The following NEDD9 variants were observed in gnomAD, a reference collection of about 807,000 sequenced individuals.
NEDD9 encodes enhancer of filamentation 1.
Under a neutral mutation model 76.6 loss-of-function variants are expected in NEDD9, and 26 were observed. The observed-to-expected ratio is 0.34, with a 90% CI of 0.25 to 0.47. NEDD9 has a LOEUF of 0.47. NEDD9 is among the 20% of genes least tolerant of loss of function. NEDD9 has a pLI of 1.00. For missense variants in NEDD9, 937 were observed against 1,058.5 expected, an observed-to-expected ratio of 0.89 and a Z score of 1.59; for synonymous variants, 392 against 414.2, an observed-to-expected ratio of 0.95 and a Z score of 0.65.
At chr6:11,316,393 C>T (rs1761562835) in intron 2 of NEDD9, among the ~76,000 whole-genome samples, 1 of 152,212 alleles carries the variant, frequency 6.6e-6, no homozygotes, top group South Asian at 2.1e-4. Flanking sequence ...TTTACTCTCA[C>T]TCCCACGTCT....
chr6:11,355,815 T>G (rs541228608), intron 1 of NEDD9, among the ~76,000 whole-genome samples: 1,884 of 152,170 alleles, frequency 0.012, 38 homozygotes, highest in African/African-American at 0.043. Context: ...CCGCCTCCTG[T>G]GTTCACACCA....
chr6:11,303,638 G>T (rs374029464), intron 3 of NEDD9, among the ~76,000 whole-genome samples: 2 of 152,138 alleles, frequency 1.3e-5, no homozygotes, highest in South Asian at 2.1e-4. Flanking sequence ...CAGAACAGAG[G>T]CCTCAGAAAT....
chr6:11,339,442 T>C (rs1223934211), intron 1 of NEDD9, among the ~76,000 whole-genome samples: 3 of 152,196 alleles, frequency 2.0e-5, no homozygotes, highest in Admixed American at 2.0e-4. Flanking sequence ...ATGGATACTC[T>C]TTTTCTACTT....
intron 3 of NEDD9, among the ~76,000 whole-genome samples, chr6:11,273,657 A>G (rs1392691497): frequency 6.6e-6 from 1 of 152,182 alleles, no homozygotes; most frequent in Non-Finnish European, 1.5e-5. Context: ...TTGTGAGTCA[A>G]TGTTATCAAG....
At chr6:11,337,309 A>G (rs1427942362) in intron 1 of NEDD9, among the ~76,000 whole-genome samples, 1 of 152,244 alleles carries the variant, frequency 6.6e-6, no homozygotes, top group Non-Finnish European at 1.5e-5. Context: ...TTTTAAAAAT[A>G]AGGAGAAATT....
chr6:11,296,669 C>T (rs1022079391), intron 3 of NEDD9, among the ~76,000 whole-genome samples: 1 of 124,334 alleles, frequency 8.0e-6, no homozygotes, highest in African/African-American at 3.3e-5. Context: ...CCTTTCCTTT[C>T]CTTTCCTTTC....
At chr6:11,193,781 C>G in intron 2 of NEDD9, 89 bp from the exon 3 acceptor site, 2 of 763,498 alleles carry the variant, frequency 2.6e-6, no homozygotes, top group Non-Finnish European at 4.3e-6. Flanking sequence ...TCCCTCAACT[C>G]TCCCTCATAA....
rs1474920613 is a variant in NEDD9, at chr6:11,252,073, C to G, written c.13-38346G>C. On this transcript the variant is annotated intron_variant, in intron 3 of 3. Coordinates refer to the NEDD9 transcript ENST00000397378. This position sits in a 1 kb window ranked among gnomAD's most constrained non-coding sequence, Gnocchi z 4.3. ...AGGCTGTGTCGATTCCTGTCACACA[C>G]AGATTATATTTTGCTGTCCCATGTG... 6.6e-6 allele frequency among the ~76,000 whole-genome samples: 1 copy of G among 152,178 alleles called. No individual in the cohort carries two copies. The highest frequency in any genetic ancestry group is 1.9e-4 in the East Asian group (1 of 5,200).
chr6:11,224,523 T>C (rs1759246564), intron 1 of NEDD9, among the ~76,000 whole-genome samples: 1 of 152,120 alleles, frequency 6.6e-6, no homozygotes, highest in South Asian at 2.1e-4. Flanking sequence ...CCAATGCTGC[T>C]GTGGTAGTGC....
chr6:11,213,712 C>A lies in NEDD9; in HGVS notation c.28G>T (p.Ala10Ser). MKYKNLMAR[A>S]LYDNVPECAE... ...CACTCTGGGACATTGTCATATAAGG[C>A]CCTTGCCATAAGATTCTAGGAGGGA... The change falls in exon 2 of 7, where the codon GCC (alanine) becomes TCC (serine). Residue 10 changes from alanine (A) to serine (S), a missense_variant. Transcript: ENST00000379446. The surrounding 1 kb of genome is among the most constrained non-coding windows in gnomAD (Gnocchi z 5.4). 1 of 1,613,920 alleles carries A rather than the reference C, an allele frequency of 6.2e-7. No individual in the cohort carries two copies. Among genetic ancestry groups the A allele is most frequent in the Non-Finnish European group, 8.5e-7 (1 of 1,179,872 alleles).
chr6:11,232,352 T>C (rs868535173), intron 1 of NEDD9, 152 bp downstream of exon 1: 6 of 891,476 alleles, frequency 6.7e-6, no homozygotes, highest in Middle Eastern at 2.2e-4. Context: ...TGCTTGCTTG[T>C]CTGCTTGCAT....
At chr6:11,361,838 C>T (rs934333779) in intron 1 of NEDD9, among the ~76,000 whole-genome samples, 2 of 152,048 alleles carry the variant, frequency 1.3e-5, no homozygotes, top group Non-Finnish European at 2.9e-5. Context: ...AGGGAGAAAG[C>T]ATTGGGGGCT....
chr6:11,325,140 A>C (rs144663251), intron 2 of NEDD9, among the ~76,000 whole-genome samples: 85 of 152,244 alleles, frequency 5.6e-4, no homozygotes, highest in African/African-American at 2.0e-3. Context: ...GGATCACCTG[A>C]GGTCAGGAGT....
chr6:11,337,472 A>G (rs1269933225), intron 1 of NEDD9, among the ~76,000 whole-genome samples: 1 of 152,212 alleles, frequency 6.6e-6, no homozygotes, highest in Non-Finnish European at 1.5e-5. Flanking sequence ...CAAACATGTG[A>G]GCAATGCATT....
At chr6:11,279,374 C>G (rs1298732023) in intron 3 of NEDD9, among the ~76,000 whole-genome samples, 5 of 152,198 alleles carry the variant, frequency 3.3e-5, no homozygotes, top group Admixed American at 2.0e-4. Context: ...GGTGCTTGGA[C>G]AAACACTAGA....
chr6:11,288,461 T>G (rs981078838), intron 3 of NEDD9, among the ~76,000 whole-genome samples: 1 of 152,270 alleles, frequency 6.6e-6, no homozygotes, highest in African/African-American at 2.4e-5. Flanking sequence ...GGTTGCTTGG[T>G]GTCCACAGGA....
intron 2 of NEDD9, among the ~76,000 whole-genome samples, chr6:11,196,330 C>T (rs1324888049): frequency 6.6e-6 from 1 of 151,950 alleles, no homozygotes; most frequent in African/African-American, 2.4e-5. Context: ...AACAAACAAA[C>T]AAAAAACCCA....
At chr6:11,328,180 T>C (rs1188676750) in intron 2 of NEDD9, among the ~76,000 whole-genome samples, 8 of 152,072 alleles carry the variant, frequency 5.3e-5, no homozygotes, top group Non-Finnish European at 1.2e-4. Context: ...AGTGCGTGCA[T>C]TGGTGGGTGG....
chr6:11,203,343 C>A (rs565971925), intron 2 of NEDD9, among the ~76,000 whole-genome samples: 1 of 152,252 alleles, frequency 6.6e-6, no homozygotes, highest in South Asian at 2.1e-4. Context: ...GGACTCTGAG[C>A]GCTACATCTA....
Sources: gnomAD v4.1 joint callset for allele counts (sites outside exome capture counted in the v4.1 genomes callset) on GRCh38, gnomAD v4.1.1 for gene constraint, Gnocchi (gnomAD v3.1) non-coding constraint, MANE v1.5 for transcripts, NCBI Gene and HGNC (gene_info 2026-07-23, HGNC 2026-07-21) for gene names.